The following RBFOX3 variants were observed in gnomAD, a reference collection of about 807,000 sequenced individuals.
RBFOX3 encodes the protein RNA binding fox-1 homolog 3, also known as RNA binding protein fox-1 homolog 3.
Under a neutral mutation model 48.7 loss-of-function variants are expected in RBFOX3, and 17 were observed. The observed-to-expected ratio is 0.35, with a 90% confidence interval of 0.24 to 0.52. The LOEUF is 0.52. RBFOX3 is among the 20% of genes least tolerant of loss of function. The pLI is 0.94. For missense variants in RBFOX3, 382 were observed against 497.5 expected (o/e 0.77, Z 2.21); for synonymous variants, 212 against 209.5 (o/e 1.01, Z -0.10).
chr17:79,170,886 G>A (rs1397722699), intron 4 of RBFOX3, among the ~76,000 whole-genome samples: 1 of 152,136 alleles, frequency 6.6e-6, no homozygotes, highest in African/African-American at 2.4e-5. Flanking sequence ...AGGAACCCCC[G>A]TGAACCCACT....
chr17:79,315,417 C>A (rs2077401461), intron 2 of RBFOX3, among the ~76,000 whole-genome samples: 1 of 152,182 alleles, frequency 6.6e-6, no homozygotes, highest in Admixed American at 6.5e-5. Flanking sequence ...TCTTCTCACA[C>A]CACCATCTGC....
At chr17:79,505,257 C>A (rs889730094) in intron 1 of RBFOX3, among the ~76,000 whole-genome samples, 318 of 152,302 alleles carry the variant, frequency 2.1e-3, no homozygotes, top group Non-Finnish European at 3.7e-3. Context: ...ACCACACCCC[C>A]GCTTTAAACA....
intron 4 of RBFOX3, among the ~76,000 whole-genome samples, chr17:79,170,242 G>A (rs764904021): frequency 5.3e-5 from 8 of 152,044 alleles, no homozygotes; most frequent in Non-Finnish European, 8.8e-5. Context: ...AGATGTTCAC[G>A]GAGAACAACA....
chr17:79,493,435 G>A (rs1053747572), intron 1 of RBFOX3, among the ~76,000 whole-genome samples: 2 of 152,056 alleles, frequency 1.3e-5, no homozygotes, highest in Non-Finnish European at 2.9e-5. Flanking sequence ...GCTTCCCAGG[G>A]ACCAAGTTCT....
chr17:79,316,348 G>A (rs982417556), intron 2 of RBFOX3, among the ~76,000 whole-genome samples: 9 of 152,224 alleles, frequency 5.9e-5, no homozygotes, highest in Non-Finnish European at 1.2e-4. Context: ...CCAGCATGTA[G>A]ATGGGGCCAG....
rs544673947 is a variant in RBFOX3, at chr17:79,395,070, T to C, written c.-174-87246A>G. On this transcript the variant is annotated intron_variant, in intron 2 of 14. Coordinates refer to ENST00000693108, the MANE Select transcript of RBFOX3 (RefSeq NM_001350451.2). ...AGCTGCTGTCATTCAGTGCGACTGA[T>C]GGGGATCCAGGCCCGCAAAGCAGTG... Among the ~76,000 whole-genome samples the C allele has an allele frequency of 6.2e-4, 95 of 152,360 alleles. No individual in the cohort carries two copies. In the South Asian group the frequency reaches 0.019, roughly 31 times the overall value.
intron 2 of RBFOX3, among the ~76,000 whole-genome samples, chr17:79,398,976 C>G (rs949508115): frequency 6.6e-6 from 1 of 152,234 alleles, no homozygotes; most frequent in Non-Finnish European, 1.5e-5. Context: ...CCCACCATGA[C>G]TGGTGTCCTT....
the RBFOX3 span, among the ~76,000 whole-genome samples, chr17:79,659,956 G>A: frequency 5.9e-5 from 9 of 152,258 alleles, no homozygotes; most frequent in African/African-American, 2.2e-4. Context: ...GGAGGCTGAG[G>A]CGGGCAGATC....
At chr17:79,275,452 T>TC (rs35312058) in intron 3 of RBFOX3, among the ~76,000 whole-genome samples, 5,366 of 150,914 alleles carry the variant, frequency 0.036, 124 homozygotes, top group Non-Finnish European at 0.055. Context: ...GGACTAATGG[T>TC]CCCCCCCCAA....
chr17:79,091,304 C>G (rs553920705), intron 14 of RBFOX3, among the ~76,000 whole-genome samples: 79 of 152,350 alleles, frequency 5.2e-4, no homozygotes, highest in African/African-American at 1.7e-3. Flanking sequence ...CTCCAGCTGG[C>G]CTTCCAGCCC....
intron 4 of RBFOX3, among the ~76,000 whole-genome samples, chr17:79,181,295 G>C (rs2051873520): frequency 6.6e-6 from 1 of 152,212 alleles, no homozygotes; most frequent in Non-Finnish European, 1.5e-5. Flanking sequence ...TGCTGCCTGG[G>C]ACATTCCTGC....
chr17:79,512,389 C>A (rs868936674), intron 1 of RBFOX3, among the ~76,000 whole-genome samples: 6 of 120,290 alleles, frequency 5.0e-5, no homozygotes, highest in African/African-American at 2.0e-4. Context: ...ATGTTACCAT[C>A]GGGTACAGCC....
chr17:79,365,145 A>T (rs74000005), intron 2 of RBFOX3, among the ~76,000 whole-genome samples: 20,180 of 151,178 alleles, frequency 0.13, 1,504 homozygotes, highest in African/African-American at 0.19. Context: ...ACACACACAC[A>T]CTCTCTCATG....
At chr17:79,512,244 A>G (rs2084412101) in intron 1 of RBFOX3, among the ~76,000 whole-genome samples, 1 of 142,124 alleles carries the variant, frequency 7.0e-6, no homozygotes, top group Non-Finnish European at 1.5e-5. Flanking sequence ...ACCATCGAGT[A>G]CAGTCCTATA....
At chr17:79,386,320 AG>A (rs2060565013) in intron 2 of RBFOX3, among the ~76,000 whole-genome samples, 1 of 151,026 alleles carries the variant, frequency 6.6e-6, no homozygotes, top group Non-Finnish European at 1.5e-5. Flanking sequence ...TGACAGAAGG[AG>A]GCTCCATCAC....
intron 2 of RBFOX3, among the ~76,000 whole-genome samples, chr17:79,448,143 C>T (rs1555739369): frequency 6.6e-6 from 1 of 152,192 alleles, no homozygotes; most frequent in Non-Finnish European, 1.5e-5. Flanking sequence ...ATTACCCAGT[C>T]TCAGGTAGTT....
At chr17:79,521,653 A>T (rs1411842253) in intron 1 of RBFOX3, among the ~76,000 whole-genome samples, 1 of 152,076 alleles carries the variant, frequency 6.6e-6, no homozygotes, top group African/African-American at 2.4e-5. Flanking sequence ...ACACAGATAC[A>T]TTCATGCATA....
chr17:79,170,914 G>A (rs895300114), intron 4 of RBFOX3, among the ~76,000 whole-genome samples: 32 of 152,136 alleles, frequency 2.1e-4, no homozygotes, highest in African/African-American at 7.5e-4. Context: ...GTCTTTCCAC[G>A]TAAACTGCTG....
At position 79,518,209 on chromosome 17, in the gene RBFOX3, T is replaced by TTCTC. The variant is rs1159034681; in HGVS notation, c.-319-35615_-319-35612dup. Reference sequence around the variant, plus strand: ...GCACAAGTGGATAATGTAGGTTTTTTTCTCTCTCTCTCCTCTTTTCGCCTT... The same window carrying TTCTC: ...GCACAAGTGGATAATGTAGGTTTTTTTCTCTCTCTCTCTCTCCTCTTTTCGCCTT... On this transcript the variant is annotated intron_variant, in intron 1 of 14. Transcript: ENST00000693108. 1.1e-4 allele frequency among the ~76,000 whole-genome samples: 16 copies of TTCTC among 152,306 alleles called. No individual in the cohort carries two copies. The East Asian group carries it at 2.7e-3, about 26-fold the overall frequency.
Sources: gnomAD v4.1 joint callset for allele counts (sites outside exome capture counted in the v4.1 genomes callset) on GRCh38, gnomAD v4.1.1 for gene constraint, MANE v1.5 for transcripts, NCBI Gene and HGNC (gene_info 2026-07-23, HGNC 2026-07-21) for gene names.